The following CSRP3 variants were observed in gnomAD, a reference collection of about 807,000 sequenced individuals.
CSRP3 encodes cysteine and glycine rich protein 3.
In CSRP3, 24 loss-of-function variants were observed where a neutral mutation model predicts 24.3. That is an observed-to-expected ratio of 0.99 (90% CI 0.71 to 1.39). CSRP3 has a LOEUF of 1.39. Ranked by LOEUF, CSRP3 falls within the 40% of genes most tolerant of loss-of-function variation. The pLI, the probability that CSRP3 is intolerant of heterozygous loss-of-function variation, is 0.00. For synonymous variants in CSRP3, 105 were observed against 94.0 expected (o/e 1.12, Z -0.68); for missense variants, 240 against 249.0 (o/e 0.96, Z 0.24).
intron 1 of CSRP3, among the ~76,000 whole-genome samples, chr11:19,199,468 C>T (rs891053741): frequency 5.9e-5 from 9 of 152,134 alleles, no homozygotes; most frequent in Non-Finnish European, 1.2e-4. Flanking sequence ...ATATCTGAAG[C>T]GTGGCCAGCT....
At chr11:19,192,032 G>T (rs780121507) in intron 2 of CSRP3, among the ~76,000 whole-genome samples, 2 of 152,120 alleles carry the variant, frequency 1.3e-5, no homozygotes, top group Admixed American at 1.3e-4. Context: ...TGTCAATGTC[G>T]CCATGGGGTC....
In CSRP3 at chr11:19,182,603, C is replaced by G; in HGVS notation, c.*67G>C. ...GGAGAGGCTATTTGGGGAAAGGTAT[C>G]GATCTGTGCAGGATTACTTGGCAAG... On this transcript the variant is annotated 3_prime_UTR_variant, in exon 6 of 6. Transcript: ENST00000265968. 2 of 1,260,730 alleles carry G rather than the reference C, an allele frequency of 1.6e-6. No individual in the cohort carries two copies. Among genetic ancestry groups the G allele is most frequent in the Non-Finnish European group, 1.2e-6 (1 of 857,406 alleles). 78.1% of individuals were successfully genotyped at this position (1,260,730 alleles called of 1,614,324 possible).
intron 1 of CSRP3, among the ~76,000 whole-genome samples, chr11:19,194,193 A>G (rs1028688716): frequency 2.0e-5 from 3 of 152,212 alleles, no homozygotes; most frequent in Non-Finnish European, 4.4e-5. Context: ...GCTAAGAAAC[A>G]GAAAGTAAAT....
In CSRP3 at chr11:19,188,275, T is replaced by C; in HGVS notation, c.142A>G (p.Thr48Ala). ...ATCTCCGACTCATGAGCCGCGACTG[T>C]CGTGCTGTCAAGAGCCTTCCTGCAG... ...MACRKALDSTTVAAHESEIYC... is the reference protein window; with the variant it reads ...MACRKALDSTAVAAHESEIYC... Residue 48 changes from threonine (T) to alanine (A), a missense_variant, in exon 3 of 6, where the codon ACA becomes GCA. Thr to Ala is a moderately conservative substitution (Grantham distance 58). Coordinates refer to ENST00000265968, the MANE Select transcript of CSRP3 (RefSeq NM_003476.5). 1.2e-6 allele frequency: 2 copies of C among 1,612,492 alleles called. No individual in the cohort carries two copies. Among genetic ancestry groups the C allele is most frequent in the East Asian group, 2.2e-5 (1 of 44,858 alleles).
intron 5 of CSRP3, among the ~76,000 whole-genome samples, chr11:19,183,565 G>T (rs1318213960): frequency 3.3e-5 from 5 of 152,138 alleles, no homozygotes; most frequent in African/African-American, 1.2e-4. Flanking sequence ...ACTGCATTGT[G>T]AATGTTTCTC....
At chr11:19,196,220 G>A (rs563445781) in intron 1 of CSRP3, among the ~76,000 whole-genome samples, 14 of 152,248 alleles carry the variant, frequency 9.2e-5, no homozygotes, top group South Asian at 4.1e-4. Context: ...CTGAGATTGC[G>A]CCACTGCACT....
intron 4 of CSRP3, among the ~76,000 whole-genome samples, chr11:19,185,794 A>G (rs1850515364): frequency 6.6e-6 from 1 of 152,190 alleles, no homozygotes; most frequent in Non-Finnish European, 1.5e-5. Flanking sequence ...AGAGCCAGGA[A>G]GTTCGTAAGT....
intron 1 of CSRP3, among the ~76,000 whole-genome samples, chr11:19,193,716 G>A (rs867729106): frequency 6.6e-6 from 1 of 152,180 alleles, no homozygotes; most frequent in Non-Finnish European, 1.5e-5. Context: ...TGCTTGAGAG[G>A]CTGAGGAAAG....
rs1850519666 is a variant in CSRP3, at chr11:19,186,067, GAA to G, written c.414+147_414+148del. 3 of 986,340 alleles carry G rather than the reference GAA, an allele frequency of 3.0e-6. No homozygotes were observed. In the Admixed American group the frequency reaches 5.5e-5, roughly 18 times the overall value. 61.1% of individuals were successfully genotyped at this position (986,340 alleles called of 1,614,324 possible). ...TAGATGACAGACAGCCCCAGCCTGGGAAAGTGGCTGAGGATGTGTGGTTTCTA... is the reference window on the plus strand; with the variant it reads ...TAGATGACAGACAGCCCCAGCCTGGGAGTGGCTGAGGATGTGTGGTTTCTA... On this transcript the variant is annotated intron_variant, in intron 4 of 5. Coordinates refer to ENST00000265968, the MANE Select transcript of CSRP3 (RefSeq NM_003476.5).
chr11:19,189,746 T>C (rs1444665628), intron 2 of CSRP3, among the ~76,000 whole-genome samples: 1 of 152,204 alleles, frequency 6.6e-6, no homozygotes, highest in African/African-American at 2.4e-5. Flanking sequence ...ATTGTATGTG[T>C]TAAAAAATAT....
At chr11:19,198,739 G>A (rs574429239) in intron 1 of CSRP3, among the ~76,000 whole-genome samples, 2 of 152,270 alleles carry the variant, frequency 1.3e-5, no homozygotes, top group Non-Finnish European at 2.9e-5. Context: ...GGCTTTGGAA[G>A]AACCAAGCTT....
chr11:19,192,319 G>C lies in CSRP3; in HGVS notation c.112+18C>G. 1 of 1,592,842 alleles carries C rather than the reference G, an allele frequency of 6.3e-7. No homozygotes were observed. The highest frequency in any genetic ancestry group is 1.7e-5 in the Admixed American group (1 of 59,978). On this transcript the variant is annotated intron_variant, in intron 2 of 5. Transcript: ENST00000265968. ...TGTCCGGATGCTGAGGGGCCCCCAG[G>C]GTGTCCACCCAACTCACTGCAGTGG...
chr11:19,198,902 C>A (rs1292297166), intron 1 of CSRP3, among the ~76,000 whole-genome samples: 1 of 152,188 alleles, frequency 6.6e-6, no homozygotes, highest in Non-Finnish European at 1.5e-5. Flanking sequence ...AGCTAAGACA[C>A]CATATAGAAT....
intron 1 of CSRP3, among the ~76,000 whole-genome samples, chr11:19,194,022 A>C (rs74756565): frequency 0.033 from 4,964 of 152,226 alleles, 159 homozygotes; most frequent in African/African-American, 0.079. Flanking sequence ...GTGTCATGAC[A>C]TGGAGCACTA....
At position 19,192,470 on chromosome 11, in the gene CSRP3, G is replaced by T. The variant is rs1347679202; in HGVS notation, c.-22C>A. ...GCATCTTGAAGACTATCTGGTCAAG[G>T]TCAAGTCTAAGGGGACATAAAGCAA... is the stretch of plus-strand genomic sequence containing the variant. On this transcript the variant is annotated 5_prime_UTR_variant, in exon 2 of 6. Coordinates refer to ENST00000265968, the MANE Select transcript of CSRP3 (RefSeq NM_003476.5). The T allele has an allele frequency of 1.3e-6, 2 of 1,593,762 alleles. No individual in the cohort carries two copies. Among genetic ancestry groups the T allele is most frequent in the Admixed American group, 3.3e-5 (2 of 59,998 alleles).
At chr11:19,187,301 T>C (rs1451036046) in intron 3 of CSRP3, among the ~76,000 whole-genome samples, 3 of 152,212 alleles carry the variant, frequency 2.0e-5, no homozygotes, top group Non-Finnish European at 4.4e-5. Context: ...CTCCTGTGGC[T>C]TACTCTCTTT....
rs766783066 is a variant in CSRP3 at position 19,186,343 on chromosome 11, G to A, written c.287C>T (p.Pro96Leu). The A allele has an allele frequency of 3.1e-6, 5 of 1,614,020 alleles. No homozygotes were observed. The African/African-American group carries it at 6.7e-5, about 22-fold the overall frequency. Residue 96 changes from proline to leucine, a missense_variant, in exon 4 of 6, where the codon CCA becomes CTA. Coordinates refer to ENST00000265968, the MANE Select transcript of CSRP3 (RefSeq NM_003476.5). ...EHLGLQFQQSPKPARSVTTSN... is the reference protein window; with the variant it reads ...EHLGLQFQQSLKPARSVTTSN... ...GGTGGTAACTGAGCGTGCCGGCTTT[G>A]GGGACCTGTTGGAAATAGACGAATG...
At chr11:19,182,849 C>A in intron 5 of CSRP3, 103 bp from the exon 6 acceptor site, 1 of 867,832 alleles carries the variant, frequency 1.2e-6, no homozygotes, top group Non-Finnish European at 2.0e-6. Flanking sequence ...TTAGAGACAT[C>A]CTTTTGATAG....
chr11:19,186,100 G>A, intron 4 of CSRP3, 116 bp downstream of exon 4: 1 of 1,373,702 alleles, frequency 7.3e-7, no homozygotes, highest in South Asian at 1.2e-5. Context: ...TTCTAAAGTT[G>A]TTCTGGGAGC....
Sources: gnomAD v4.1 joint callset for allele counts (sites outside exome capture counted in the v4.1 genomes callset) on GRCh38, gnomAD v4.1.1 for gene constraint, MANE v1.5 for transcripts, NCBI Gene and HGNC (gene_info 2026-07-23, HGNC 2026-07-21) for gene names.